Variants in AVEN observed in about 807,000 individuals in gnomAD.
The protein encoded by AVEN is cell death regulator Aven.
A neutral mutation model predicts 38.1 loss-of-function variants in AVEN; 41 were observed. The observed-to-expected ratio is 1.08, with a 90% CI of 0.84 to 1.40. The LOEUF is 1.40. Ranked by LOEUF, AVEN falls within the 40% of genes most tolerant of loss-of-function variation. The probability of loss-of-function intolerance (pLI) is 0.00; values close to 1 mark genes in which losing one functional copy is unlikely to be tolerated. For missense variants in AVEN, 605 were observed against 438.8 expected (o/e 1.38, Z -3.38); for synonymous variants, 206 against 171.8 (o/e 1.20, Z -1.56).
chr15:33,887,103 A>G (rs1174066090), intron 2 of AVEN, among the ~76,000 whole-genome samples: 1 of 152,248 alleles, frequency 6.6e-6, no homozygotes, highest in African/African-American at 2.4e-5. Flanking sequence ...CTATCAAACC[A>G]CAAAGTATGT....
intron 5 of AVEN, chr15:34,062,576 T>G: frequency 2.2e-6 from 1 of 454,862 alleles, no homozygotes; most frequent in Non-Finnish European, 3.7e-6. Flanking sequence ...AAAAAAAAAC[T>G]ATAAACAATG....
intron 5 of AVEN, among the ~76,000 whole-genome samples, chr15:34,045,520 T>C (rs1426575051): frequency 2.6e-5 from 4 of 152,206 alleles, no homozygotes. Flanking sequence ...GCCTACTTTG[T>C]CTTGATTTGT....
intron 5 of AVEN, among the ~76,000 whole-genome samples, chr15:34,048,086 G>A (rs902167642): frequency 1.3e-5 from 2 of 152,150 alleles, no homozygotes; most frequent in Non-Finnish European, 2.9e-5. Flanking sequence ...CTGTTGCCCA[G>A]GCTGGTCTGA....
At chr15:33,909,684 A>C (rs1167545618) in intron 2 of AVEN, among the ~76,000 whole-genome samples, 1 of 152,194 alleles carries the variant, frequency 6.6e-6, no homozygotes, top group Non-Finnish European at 1.5e-5. Context: ...TTAAAAAACC[A>C]CCTAAGTATT....
At chr15:34,044,894 A>G (rs1326795732) in intron 5 of AVEN, among the ~76,000 whole-genome samples, 1 of 152,086 alleles carries the variant, frequency 6.6e-6, no homozygotes. Context: ...TAAAAATACA[A>G]AAAATTAGCT....
At chr15:33,882,038 C>T (rs1212338111) in intron 2 of AVEN, among the ~76,000 whole-genome samples, 1 of 152,144 alleles carries the variant, frequency 6.6e-6, no homozygotes, top group Non-Finnish European at 1.5e-5. Context: ...AACTAGGAAG[C>T]TCAAAGGGAG....
At chr15:34,019,710 C>T (rs769502995) in intron 1 of AVEN, among the ~76,000 whole-genome samples, 9 of 152,148 alleles carry the variant, frequency 5.9e-5, no homozygotes, top group Admixed American at 1.3e-4. Flanking sequence ...TATCCAGTAC[C>T]GTAACATGCT....
chr15:33,891,441 G>C (rs550906178), intron 2 of AVEN, among the ~76,000 whole-genome samples: 2 of 152,178 alleles, frequency 1.3e-5, no homozygotes, highest in South Asian at 4.1e-4. Context: ...CTGTGTCCAA[G>C]TGTTCTCATT....
chr15:33,858,947 C>G (rs368899164), exon 12 of AVEN: 2 of 152,642 alleles, frequency 1.3e-5, no homozygotes, highest in East Asian at 3.8e-4. Flanking sequence ...CCCTAGAGTA[C>G]TGGCATGACC....
intron 2 of AVEN, among the ~76,000 whole-genome samples, chr15:33,956,170 A>G (rs1181834798): frequency 6.6e-6 from 1 of 152,026 alleles, no homozygotes; most frequent in Non-Finnish European, 1.5e-5. Flanking sequence ...CTCCCATGAC[A>G]CTAGAGCGCC....
chr15:33,858,694 G>A (rs902928340), downstream of AVEN: 1 of 152,440 alleles, frequency 6.6e-6, no homozygotes, highest in African/African-American at 2.4e-5. Context: ...GTGGGGAGGG[G>A]GAGTCCCGTC....
intron 2 of AVEN, among the ~76,000 whole-genome samples, chr15:33,978,051 G>C (rs576813238): frequency 2.0e-5 from 3 of 151,920 alleles, no homozygotes; most frequent in Non-Finnish European, 2.9e-5. Context: ...GAGGAAGCGA[G>C]AGAGGTAGGG....
At chr15:34,001,551 A>C (rs1897138842) in intron 2 of AVEN, among the ~76,000 whole-genome samples, 1 of 152,200 alleles carries the variant, frequency 6.6e-6, no homozygotes, top group Non-Finnish European at 1.5e-5. Context: ...CCTTGAAGAA[A>C]AGTGCTTATA....
intron 2 of AVEN, among the ~76,000 whole-genome samples, chr15:33,885,370 A>G (rs1371270693): frequency 6.6e-6 from 1 of 152,170 alleles, no homozygotes; most frequent in East Asian, 1.9e-4. Context: ...CTCAGCCTAC[A>G]GGACATAAAA....
chr15:33,933,524 C>CACACACACACACAGAGAGAGAGAGAGAG (rs1893945145), intron 2 of AVEN, among the ~76,000 whole-genome samples: 1 of 46,650 alleles, frequency 2.1e-5, no homozygotes, highest in Non-Finnish European at 4.5e-5. Context: ...CACACACACA[C>CACACACACACACAGAGAGAGAGAGAGAG]AGAGAGAGAG....
intron 2 of AVEN, among the ~76,000 whole-genome samples, chr15:33,879,911 A>C (rs1289982733): frequency 6.6e-6 from 1 of 152,216 alleles, no homozygotes; most frequent in African/African-American, 2.4e-5. Flanking sequence ...AAAAATTAAT[A>C]AGAATACATT....
At chr15:34,043,136 A>G (rs1426004573), upstream of AVEN, among the ~76,000 whole-genome samples, 2 of 151,856 alleles carry the variant, frequency 1.3e-5, no homozygotes, top group African/African-American at 4.8e-5. Context: ...AGTCCCAGCT[A>G]CTTGGGAGGC....
chr15:33,917,770 G>T lies in AVEN; in HGVS notation c.446-41775C>A, dbSNP rs1240857402. On this transcript the variant is annotated intron_variant, in intron 2 of 5. Coordinates refer to ENST00000306730, the MANE Select transcript of AVEN (RefSeq NM_020371.3). ...AAACGTCATATGTTCTCACTCATAA[G>T]TGGGAGCTAAGTTATGAGGATGCAA... is the stretch of plus-strand genomic sequence containing the variant. Among the ~76,000 whole-genome samples, 5 of 152,264 alleles carry T rather than the reference G, an allele frequency of 3.3e-5. No homozygotes were observed. The East Asian group carries it at 9.7e-4, about 29-fold the overall frequency.
In AVEN at chr15:34,063,195, A is replaced by G; in HGVS notation, n.1364T>C. The G allele has an allele frequency of 6.2e-7, 1 of 1,614,098 alleles. No homozygotes were observed. ...TGGCTTGGCCTGGCTGATCTCCTTCATCCTCTGGGCCCCAGCAATCCTCTG... is the reference window on the plus strand; with the variant it reads ...TGGCTTGGCCTGGCTGATCTCCTTCGTCCTCTGGGCCCCAGCAATCCTCTG... On this transcript the variant is annotated non_coding_transcript_exon_variant, in exon 5 of 12. Transcript: ENST00000675287. The surrounding 1 kb of genome is among the most constrained non-coding windows in gnomAD (Gnocchi z 4.1).
Sources: allele counts gnomAD v4.1 joint callset (sites outside exome capture counted in the v4.1 genomes callset), GRCh38; gene constraint gnomAD v4.1.1; non-coding constraint Gnocchi (gnomAD v3.1); transcripts MANE v1.5; gene names NCBI Gene and HGNC (gene_info 2026-07-23, HGNC 2026-07-21).